TRPC4AP: variants seen among roughly 807,000 people sequenced by gnomAD.
TRPC4AP encodes the protein short transient receptor potential channel 4-associated protein.
Under a neutral mutation model 99.0 loss-of-function variants are expected in TRPC4AP, and 45 were observed. The observed-to-expected ratio is 0.45, with a 90% CI of 0.36 to 0.58. The LOEUF (loss-of-function observed/expected upper bound fraction) is 0.58, where lower values mean the gene tolerates loss of function less well. Ranked by LOEUF, TRPC4AP falls within the 20% of genes least tolerant of loss-of-function variation. TRPC4AP has a pLI of 0.00. For synonymous variants in TRPC4AP, 408 were observed against 385.8 expected, an observed-to-expected ratio of 1.06 and a Z score of -0.67; for missense variants, 879 against 985.3, an observed-to-expected ratio of 0.89 and a Z score of 1.44.
At chr20:35,084,511 C>T (rs1169031196) in intron 1 of TRPC4AP, among the ~76,000 whole-genome samples, 11 of 135,396 alleles carry the variant, frequency 8.1e-5, no homozygotes, top group East Asian at 4.2e-4. Context: ...TATGTATATA[C>T]GTATATATGT....
At chr20:35,045,178 ACT>A (rs2083530564) in intron 6 of TRPC4AP, among the ~76,000 whole-genome samples, 2 of 151,922 alleles carry the variant, frequency 1.3e-5, no homozygotes, top group Non-Finnish European at 2.9e-5. Context: ...ATTATTTTGA[ACT>A]CTGTGTTTAT....
chr20:35,015,157 T>C (rs2082720651), intron 10 of TRPC4AP, among the ~76,000 whole-genome samples: 1 of 152,012 alleles, frequency 6.6e-6, no homozygotes, highest in Non-Finnish European at 1.5e-5. Flanking sequence ...CCCACCAACA[T>C]GCCTGGCTAA....
intron 3 of TRPC4AP, among the ~76,000 whole-genome samples, chr20:35,058,625 G>A (rs904595646): frequency 6.6e-6 from 1 of 151,066 alleles, no homozygotes; most frequent in African/African-American, 2.4e-5. Flanking sequence ...AACTTATGAT[G>A]TAGCTAATGG....
chr20:35,004,775 G>A (rs1474179780), intron 16 of TRPC4AP, among the ~76,000 whole-genome samples: 3 of 152,170 alleles, frequency 2.0e-5, no homozygotes, highest in African/African-American at 4.8e-5. Flanking sequence ...GAGTGCCCAG[G>A]AGCACCCCAC....
intron 5 of TRPC4AP, among the ~76,000 whole-genome samples, chr20:35,053,597 C>A (rs925190574): frequency 6.6e-6 from 1 of 152,130 alleles, no homozygotes; most frequent in Non-Finnish European, 1.5e-5. Flanking sequence ...TACATGGCTA[C>A]CGAGCACTTA....
At chr20:35,019,725 T>C (rs1368081350) in intron 9 of TRPC4AP, among the ~76,000 whole-genome samples, 1 of 152,174 alleles carries the variant, frequency 6.6e-6, no homozygotes, top group Non-Finnish European at 1.5e-5. Flanking sequence ...CTAAAACTAT[T>C]ATTTTTTATT....
intron 7 of TRPC4AP, among the ~76,000 whole-genome samples, chr20:35,043,101 T>C (rs189577576): frequency 1.9e-4 from 29 of 152,288 alleles, no homozygotes; most frequent in Admixed American, 7.2e-4. Context: ...CTTGGAGATT[T>C]TTCTATAGCA....
intron 3 of TRPC4AP, among the ~76,000 whole-genome samples, chr20:35,066,679 T>C (rs2084153244): frequency 6.6e-6 from 1 of 152,106 alleles, no homozygotes; most frequent in African/African-American, 2.4e-5. Context: ...ATGGTTTAAA[T>C]CCAACAGTGG....
intron 5 of TRPC4AP, among the ~76,000 whole-genome samples, chr20:35,053,038 A>T (rs1012107819): frequency 1.3e-5 from 2 of 152,154 alleles, no homozygotes; most frequent in East Asian, 1.9e-4. Context: ...AAATTTTTTA[A>T]AAAATTTTAT....
intron 16 of TRPC4AP, among the ~76,000 whole-genome samples, chr20:35,005,177 C>G (rs1458621811): frequency 6.6e-6 from 1 of 152,180 alleles, no homozygotes; most frequent in Non-Finnish European, 1.5e-5. Context: ...TACCAACAAC[C>G]GGGATACTTC....
intron 2 of TRPC4AP, among the ~76,000 whole-genome samples, chr20:35,077,321 A>G (rs932420667): frequency 1.3e-5 from 2 of 152,140 alleles, no homozygotes; most frequent in Non-Finnish European, 2.9e-5. Context: ...AAATGCAAAA[A>G]TCACCTGTCT....
At chr20:35,062,431 T>C (rs2084029973) in intron 3 of TRPC4AP, among the ~76,000 whole-genome samples, 1 of 152,236 alleles carries the variant, frequency 6.6e-6, no homozygotes, top group African/African-American at 2.4e-5. Context: ...ACAACCCAAA[T>C]GTCCATCAAC....
rs889038777 is a variant in TRPC4AP at position 35,044,437 on chromosome 20, A to G, written c.865+68T>C. Reference sequence around the variant, plus strand: ...AAAAGAAAAGAAAAGAAAAAGAAAAAAAACTAGATGATTTAGTAAGGGCCT... The same window carrying G: ...AAAAGAAAAGAAAAGAAAAAGAAAAGAAACTAGATGATTTAGTAAGGGCCT... On this transcript the variant is annotated intron_variant, in intron 7 of 18. Transcript: ENST00000252015. 10 of 1,443,786 alleles carry G rather than the reference A, an allele frequency of 6.9e-6. No individual in the cohort carries two copies. The African/African-American group carries it at 1.3e-4, about 19-fold the overall frequency. The allele number at this position is 1,443,786 out of a possible 1,614,324, so 89.4% of individuals were successfully genotyped here.
chr20:35,042,668 A>C (rs187870981), intron 7 of TRPC4AP, among the ~76,000 whole-genome samples: 167 of 152,252 alleles, frequency 1.1e-3, no homozygotes, highest in Middle Eastern at 3.4e-3. Flanking sequence ...CTTTTAAGAC[A>C]CAAGTTTCAG....
chr20:35,016,206 C>T (rs1347742299), intron 9 of TRPC4AP, 67 bp from the exon 10 acceptor site: 2 of 1,578,490 alleles, frequency 1.3e-6, no homozygotes, highest in African/African-American at 1.3e-5. Flanking sequence ...AAACCTCGTG[C>T]TCAGTACACA....
intron 8 of TRPC4AP, among the ~76,000 whole-genome samples, chr20:35,022,445 G>A (rs746647485): frequency 2.4e-4 from 37 of 152,252 alleles, no homozygotes; most frequent in Non-Finnish European, 4.7e-4. Flanking sequence ...CGTGAGCCAC[G>A]GTGCCCAGCG....
intron 5 of TRPC4AP, among the ~76,000 whole-genome samples, chr20:35,052,098 GT>G (rs5841189): frequency 0.16 from 22,520 of 137,806 alleles, 1,366 homozygotes; most frequent in Middle Eastern, 0.28. Flanking sequence ...TTTTTTTTTG[GT>G]TTTTTTTTTT....
At chr20:35,074,548 A>G (rs150681957) in intron 2 of TRPC4AP, among the ~76,000 whole-genome samples, 2,149 of 152,312 alleles carry the variant, frequency 0.014, 34 homozygotes, top group Non-Finnish European at 0.02. Context: ...ATTCAGGAGC[A>G]GGTTGTTCAG....
chr20:35,040,378 A>G (rs760832213), intron 7 of TRPC4AP, among the ~76,000 whole-genome samples: 6 of 152,172 alleles, frequency 3.9e-5, no homozygotes, highest in Non-Finnish European at 8.8e-5. Context: ...GAAAACAAAA[A>G]GGGATTCTCC....
Sources: gnomAD v4.1 joint callset for allele counts (sites outside exome capture counted in the v4.1 genomes callset) on GRCh38, gnomAD v4.1.1 for gene constraint, MANE v1.5 for transcripts, NCBI Gene and HGNC (gene_info 2026-07-23, HGNC 2026-07-21) for gene names.